Variants in B3GALT1 observed in about 807,000 individuals in gnomAD.
B3GALT1 encodes beta-1,3-galactosyltransferase 1.
A neutral mutation model predicts 23.2 loss-of-function variants in B3GALT1; 10 were observed. The observed-to-expected ratio is 0.43, with a 90% CI of 0.27 to 0.73. The LOEUF is 0.73. Ranked by LOEUF, B3GALT1 falls within the 30% of genes least tolerant of loss-of-function variation. B3GALT1 has a pLI of 0.21. For synonymous variants in B3GALT1, 156 were observed against 141.5 expected (o/e 1.10, Z -0.73); for missense variants, 299 against 405.4 (o/e 0.74, Z 2.25).
intron 3 of B3GALT1, among the ~76,000 whole-genome samples, chr2:167,805,263 C>T (rs1176955280): frequency 6.6e-6 from 1 of 152,082 alleles, no homozygotes; most frequent in African/African-American, 2.4e-5. Context: ...AAAATTTTCT[C>T]CCATTCTGTA....
chr2:167,795,531 A>AT lies in B3GALT1; in HGVS notation c.-351-23133dup, dbSNP rs1337279627. The stretch of plus-strand genomic sequence containing the variant: ...TTAAAAATAACTCCCTCCCCAAACC[A>AT]TTTTTTTTCTCTGTTCTTTGGTAAT... On this transcript the variant is annotated intron_variant, in intron 3 of 4. Transcript: ENST00000392690. Among the ~76,000 whole-genome samples, 11 of 151,728 alleles carry AT rather than the reference A, an allele frequency of 7.2e-5. No homozygotes were observed. In the East Asian group the frequency reaches 1.2e-3, roughly 16 times the overall value.
chr2:167,460,771 T>G (rs190461269), intron 1 of B3GALT1, among the ~76,000 whole-genome samples: 1 of 152,308 alleles, frequency 6.6e-6, no homozygotes, highest in African/African-American at 2.4e-5. Flanking sequence ...TTTATTGTTG[T>G]TTTTGTTTAT....
chr2:167,603,673 G>A (rs1684912439), intron 2 of B3GALT1, among the ~76,000 whole-genome samples: 1 of 152,078 alleles, frequency 6.6e-6, no homozygotes, highest in Admixed American at 6.6e-5. Flanking sequence ...ATCCATATTT[G>A]GCAGCCAGTT....
intron 3 of B3GALT1, among the ~76,000 whole-genome samples, chr2:167,718,868 C>T (rs1035107864): frequency 1.8e-4 from 27 of 152,236 alleles, no homozygotes; most frequent in African/African-American, 6.0e-4. Context: ...TTATGGCCTG[C>T]TTCAGGGGAG....
chr2:167,419,293 A>G (rs927204330), intron 1 of B3GALT1, among the ~76,000 whole-genome samples: 2 of 152,228 alleles, frequency 1.3e-5, no homozygotes, highest in Non-Finnish European at 2.9e-5. Flanking sequence ...TTAGCTTACC[A>G]TCAGTAAATG....
chr2:167,825,259 G>A (rs1401441920), intron 4 of B3GALT1, among the ~76,000 whole-genome samples: 1 of 145,830 alleles, frequency 6.9e-6, no homozygotes, highest in Non-Finnish European at 1.5e-5. Flanking sequence ...ACTCTAGCCT[G>A]GGCGACAGAG....
intron 1 of B3GALT1, among the ~76,000 whole-genome samples, chr2:167,440,364 AGAAAT>A (rs1204571067): frequency 9.7e-5 from 14 of 144,868 alleles, no homozygotes; most frequent in African/African-American, 3.8e-4. Context: ...AAAAAAAAAA[AGAAAT>A]AATTTAAAAT....
chr2:167,376,798 G>A (rs1039923397), intron 1 of B3GALT1, among the ~76,000 whole-genome samples: 3 of 151,916 alleles, frequency 2.0e-5, no homozygotes, highest in Non-Finnish European at 2.9e-5. Context: ...CAAACTTTTG[G>A]TTTTATGGAT....
intron 3 of B3GALT1, among the ~76,000 whole-genome samples, chr2:167,729,056 G>C (rs2105263676): frequency 6.6e-6 from 1 of 152,246 alleles, no homozygotes; most frequent in East Asian, 1.9e-4. Context: ...ATACTTGTTT[G>C]TTATATGTGT....
intron 1 of B3GALT1, among the ~76,000 whole-genome samples, chr2:167,412,256 C>T (rs1395207016): frequency 1.3e-5 from 2 of 152,014 alleles, no homozygotes; most frequent in Admixed American, 6.6e-5. Flanking sequence ...AGAAGTAAAT[C>T]GAGTTATATC....
At chr2:167,750,867 T>A (rs1026005365) in intron 3 of B3GALT1, among the ~76,000 whole-genome samples, 1 of 151,814 alleles carries the variant, frequency 6.6e-6, no homozygotes, top group African/African-American at 2.4e-5. Flanking sequence ...AGTCCCAGAA[T>A]CCTATGCCAC....
At chr2:167,329,059 T>C (rs1301833523) in intron 1 of B3GALT1, among the ~76,000 whole-genome samples, 1 of 152,116 alleles carries the variant, frequency 6.6e-6, no homozygotes, top group Non-Finnish European at 1.5e-5. Flanking sequence ...GTGATCCACC[T>C]ACCTCGGCCT....
At chr2:167,731,272 T>C (rs184501484) in intron 3 of B3GALT1, among the ~76,000 whole-genome samples, 25 of 152,368 alleles carry the variant, frequency 1.6e-4, no homozygotes, top group Admixed American at 1.6e-3. Flanking sequence ...CATCAGTAAA[T>C]GTTAGCTTGT....
At chr2:167,303,085 A>C (rs1439401293) in intron 1 of B3GALT1, among the ~76,000 whole-genome samples, 1 of 152,216 alleles carries the variant, frequency 6.6e-6, no homozygotes, top group Admixed American at 6.5e-5. Flanking sequence ...AAATATTGGA[A>C]AAGAATAAAA....
At chr2:167,848,573 C>T (rs1178706560) in intron 4 of B3GALT1, among the ~76,000 whole-genome samples, 2 of 152,060 alleles carry the variant, frequency 1.3e-5, no homozygotes, top group Non-Finnish European at 2.9e-5. Flanking sequence ...TCAGCAAAAT[C>T]AGCATATAAG....
intron 1 of B3GALT1, among the ~76,000 whole-genome samples, chr2:167,376,946 G>T (rs1231533004): frequency 6.6e-6 from 1 of 152,002 alleles, no homozygotes; most frequent in Non-Finnish European, 1.5e-5. Context: ...ATTAATTTGA[G>T]ATCTTTCTAA....
intron 3 of B3GALT1, among the ~76,000 whole-genome samples, chr2:167,745,162 T>C (rs1431333368): frequency 6.6e-6 from 1 of 151,880 alleles, no homozygotes; most frequent in Non-Finnish European, 1.5e-5. Context: ...ATTTGGTGGT[T>C]GCCCTAGAAG....
At chr2:167,373,108 A>C (rs1574053267) in intron 1 of B3GALT1, among the ~76,000 whole-genome samples, 1 of 152,268 alleles carries the variant, frequency 6.6e-6, no homozygotes, top group East Asian at 1.9e-4. Flanking sequence ...GTTCTAAGAT[A>C]ATTCCACTGA....
At chr2:167,713,244 G>T (rs1687090344) in intron 3 of B3GALT1, among the ~76,000 whole-genome samples, 1 of 152,170 alleles carries the variant, frequency 6.6e-6, no homozygotes, top group South Asian at 2.1e-4. Context: ...GCAAGAACAT[G>T]TATAAATTCC....
Sources: allele counts gnomAD v4.1 joint callset (sites outside exome capture counted in the v4.1 genomes callset), GRCh38; gene constraint gnomAD v4.1.1; transcripts MANE v1.5; gene names NCBI Gene and HGNC (gene_info 2026-07-23, HGNC 2026-07-21).